Variants in PDE10A observed in about 807,000 individuals in gnomAD.
The protein encoded by PDE10A is cAMP and cAMP-inhibited cGMP 3',5'-cyclic phosphodiesterase 10A.
PDE10A carries 39 observed loss-of-function variants against 97.7 expected under a neutral mutation model. The observed-to-expected ratio is 0.40, with a 90% CI of 0.31 to 0.52. The LOEUF is 0.52. Among genes scored for constraint, PDE10A ranks in the 20% least tolerant of loss-of-function variants. PDE10A has a pLI of 0.56. For synonymous variants in PDE10A, 371 were observed against 376.8 expected, an observed-to-expected ratio of 0.98 and a Z score of 0.18; for missense variants, 731 against 1,047.8, an observed-to-expected ratio of 0.70 and a Z score of 4.17.
intron 1 of PDE10A, among the ~76,000 whole-genome samples, chr6:165,970,029 G>A (rs57198586): frequency 0.18 from 27,528 of 152,162 alleles, 2,626 homozygotes; most frequent in Non-Finnish European, 0.2. Flanking sequence ...AGTAAACACC[G>A]TCAGTAATAG....
At chr6:165,614,572 T>C (rs1787639906) in intron 1 of PDE10A, among the ~76,000 whole-genome samples, 1 of 152,218 alleles carries the variant, frequency 6.6e-6, no homozygotes, top group African/African-American at 2.4e-5. Flanking sequence ...CTCACTTTAA[T>C]ATGATTAATT....
chr6:165,569,737 C>A (rs919703279), intron 1 of PDE10A, among the ~76,000 whole-genome samples: 3 of 152,184 alleles, frequency 2.0e-5, no homozygotes, highest in Non-Finnish European at 2.9e-5. Context: ...TTACTCCCTA[C>A]TCTCATTCCG....
chr6:165,957,587 C>A (rs796592247), intron 1 of PDE10A, among the ~76,000 whole-genome samples: 5 of 152,200 alleles, frequency 3.3e-5, no homozygotes, highest in African/African-American at 1.2e-4. Context: ...GTGCTAAGTT[C>A]TTCACAAGAA....
Position 165,543,644 on chromosome 6 carries a change from CATT to C in PDE10A, c.866-79_866-77del, listed in dbSNP as rs1783582338. The C allele has an allele frequency of 2.5e-6, 3 of 1,190,808 alleles. No individual in the cohort carries two copies. The East Asian group carries it at 7.5e-5, about 30-fold the overall frequency. The allele number at this position is 1,190,808 out of a possible 1,614,324, so 73.8% of individuals were successfully genotyped here. A position where few individuals can be genotyped will look rare whatever the true frequency, so the allele number is the denominator to read the frequency against. On this transcript the variant is annotated intron_variant, in intron 1 of 21. Transcript: ENST00000539869. The stretch of plus-strand genomic sequence containing the variant: ...CAATGAAAGGTATAGTATCACAACA[CATT>C]ATGCTAAGACCCAGCAACCTCTCAT...
rs1789552380 is a variant in PDE10A at position 165,431,483 on chromosome 6, CAAGA to C, written c.1492-15_1492-12del. Reference sequence around the variant, plus strand: ...ATTTGCTGTTGCAACCTAAAAAAAACAAGAAATACATACCTATAAGTAATAATAC... The same window carrying C: ...ATTTGCTGTTGCAACCTAAAAAAAACAATACATACCTATAAGTAATAATAC... On this transcript the variant is annotated splice_polypyrimidine_tract_variant and intron_variant, in intron 7 of 21. Transcript: ENST00000539869. 6.5e-7 allele frequency: 1 copy of C among 1,527,026 alleles called. No homozygotes were observed. Among genetic ancestry groups the C allele is most frequent in the Non-Finnish European group, 9.0e-7 (1 of 1,109,632 alleles). The allele number at this position is 1,527,026 out of a possible 1,614,324, so 94.6% of individuals were successfully genotyped here.
chr6:165,369,811 T>C (rs1430973575), intron 18 of PDE10A, among the ~76,000 whole-genome samples: 1 of 150,120 alleles, frequency 6.7e-6, no homozygotes, highest in Non-Finnish European at 1.5e-5. Context: ...GGAAAAAATG[T>C]TAAGGGCAGC....
Position 165,388,592 on chromosome 6 carries a change from C to A in PDE10A, c.2455-139G>T. ...GCATTCTGGCATAAAGAATCCTATA[C>A]AAATAGAGCAAACCCTTAGGAATCT... On this transcript the variant is annotated intron_variant, in intron 16 of 21. Coordinates refer to ENST00000539869, the MANE Select transcript of PDE10A (RefSeq NM_001385079.1). The surrounding 1 kb of genome is among the most constrained non-coding windows in gnomAD (Gnocchi z 4.0). 1 of 714,038 alleles carries A rather than the reference C, an allele frequency of 1.4e-6. No individual in the cohort carries two copies. The highest frequency in any genetic ancestry group is 2.4e-6 in the Non-Finnish European group (1 of 421,400). The allele number at this position is 714,038 out of a possible 1,614,324, so 44.2% of individuals were successfully genotyped here. A position where few individuals can be genotyped will look rare whatever the true frequency, so the allele number is the denominator to read the frequency against.
At chr6:165,980,826 CT>C (rs1424977715) in intron 1 of PDE10A, among the ~76,000 whole-genome samples, 1 of 152,056 alleles carries the variant, frequency 6.6e-6, no homozygotes, top group African/African-American at 2.4e-5. Context: ...TGATTGCTAC[CT>C]TGTATTCATC....
chr6:165,525,495 G>GA (rs1242241521), intron 2 of PDE10A, among the ~76,000 whole-genome samples: 1 of 152,164 alleles, frequency 6.6e-6, no homozygotes, highest in African/African-American at 2.4e-5. Context: ...GGGAAATTAG[G>GA]ATGGTGGAGT....
At chr6:165,940,745 G>T (rs756235849) in intron 1 of PDE10A, 1 of 152,236 alleles carries the variant, frequency 6.6e-6, no homozygotes, top group African/African-American at 2.4e-5. Context: ...AGCCGCAGCC[G>T]ACAGTTCCAT....
intron 1 of PDE10A, among the ~76,000 whole-genome samples, chr6:165,646,886 G>A (rs757890688): frequency 6.6e-5 from 10 of 152,122 alleles, no homozygotes; most frequent in African/African-American, 1.9e-4. Flanking sequence ...CAGATATATC[G>A]TAACATATAA....
chr6:165,377,279 C>T (rs891073514), intron 18 of PDE10A, among the ~76,000 whole-genome samples: 3 of 152,050 alleles, frequency 2.0e-5, no homozygotes, highest in African/African-American at 2.4e-5. Flanking sequence ...ACACACACCC[C>T]TACCTTTGAA....
Position 165,738,698 on chromosome 6 carries a change from T to G in PDE10A, c.-614-195130A>C, listed in dbSNP as rs1040206249. Reference sequence around the variant, plus strand: ...TGTTGTTTCCTGACTTTTTAATGATTGCCATTCTAACTGGTGTGAGATGAT... The same window carrying G: ...TGTTGTTTCCTGACTTTTTAATGATGGCCATTCTAACTGGTGTGAGATGAT... On this transcript the variant is annotated intron_variant, in intron 1 of 19. Transcript: ENST00000366882. Among the ~76,000 whole-genome samples the G allele has an allele frequency of 2.0e-5, 3 of 151,990 alleles. No individual in the cohort carries two copies. The East Asian group carries it at 5.8e-4, about 29-fold the overall frequency.
chr6:165,410,932 C>CCAA (rs376824651), intron 13 of PDE10A, among the ~76,000 whole-genome samples: 303 of 23,010 alleles, frequency 0.013, 5 homozygotes, highest in Middle Eastern at 0.036. Flanking sequence ...ACTAAAAATA[C>CCAA]AAAAAAATAG....
intron 2 of PDE10A, among the ~76,000 whole-genome samples, chr6:165,528,048 GGAA>G (rs1242499014): frequency 6.6e-6 from 1 of 152,224 alleles, no homozygotes; most frequent in East Asian, 1.9e-4. Flanking sequence ...CACTTTGAAT[GGAA>G]GGAGAAATGG....
At chr6:165,656,191 A>G (rs918736812) in intron 1 of PDE10A, among the ~76,000 whole-genome samples, 2 of 150,206 alleles carry the variant, frequency 1.3e-5, no homozygotes, top group African/African-American at 2.5e-5. Context: ...TCCCATTCTG[A>G]TATCTCTTTT....
chr6:165,495,355 G>T (rs1780475525), intron 2 of PDE10A, among the ~76,000 whole-genome samples: 1 of 152,000 alleles, frequency 6.6e-6, no homozygotes, highest in Non-Finnish European at 1.5e-5. Context: ...GGAGGGGAAA[G>T]GGAGAGAGAA....
intron 1 of PDE10A, among the ~76,000 whole-genome samples, chr6:165,836,228 C>T (rs1780060118): frequency 6.6e-6 from 1 of 152,200 alleles, no homozygotes; most frequent in Admixed American, 6.5e-5. Flanking sequence ...CAGACCTCTT[C>T]CGACCATGTC....
chr6:165,796,162 C>T (rs1442018393), intron 1 of PDE10A, among the ~76,000 whole-genome samples: 1 of 130,902 alleles, frequency 7.6e-6, no homozygotes, highest in Non-Finnish European at 1.5e-5. Context: ...GTGCCGCAAT[C>T]TCGGCTCACT....
Sources: allele counts gnomAD v4.1 joint callset (sites outside exome capture counted in the v4.1 genomes callset), GRCh38; gene constraint gnomAD v4.1.1; non-coding constraint Gnocchi (gnomAD v3.1); transcripts MANE v1.5; gene names NCBI Gene and HGNC (gene_info 2026-07-23, HGNC 2026-07-21).